The following STIM1 variants were observed in gnomAD, a reference collection of about 807,000 sequenced individuals.
STIM1 encodes the protein stromal interaction molecule 1.
In STIM1, 25 loss-of-function variants were observed where a neutral mutation model predicts 74.7. The ratio of observed to expected loss-of-function variants is 0.33; its 90% CI spans 0.24 to 0.47. The LOEUF (loss-of-function observed/expected upper bound fraction) is 0.47. Among genes scored for constraint, STIM1 ranks in the 20% least tolerant of loss-of-function variants. The probability of loss-of-function intolerance (pLI) is 1.00; values close to 1 mark genes in which losing one functional copy is unlikely to be tolerated. For missense variants in STIM1, 728 were observed against 920.8 expected (o/e 0.79, Z 2.71); for synonymous variants, 328 against 348.8 (o/e 0.94, Z 0.66).
rs542166361 is a variant in STIM1, at chr11:4,082,962, T to G, written c.1218T>G (p.Asp406Glu). ...ACAGCTCTTCCCTGGATGATGTAGA[T>G]CATAAAATTCTAACAGCTAAGTAAG... ...VAHSSSLDDV[D>E]HKILTAKQAL... Residue 406 changes from aspartate (D) to glutamate (E), a missense_variant, in exon 9 of 13, where the codon GAT (aspartate) becomes GAG (glutamate). By Grantham distance (45) the Asp-to-Glu change is conservative. Coordinates refer to ENST00000526596, the MANE Select transcript of STIM1 (RefSeq NM_001382567.1). 1 of 1,614,056 alleles carries G rather than the reference T, an allele frequency of 6.2e-7. No homozygotes were observed. Among genetic ancestry groups the G allele is most frequent in the East Asian group, 2.2e-5 (1 of 44,870 alleles).
intron 1 of STIM1, among the ~76,000 whole-genome samples, chr11:3,878,962 CTT>C (rs1197786291): frequency 6.8e-6 from 1 of 147,686 alleles, no homozygotes. Flanking sequence ...CTTCATACCT[CTT>C]TTTTTTTTTG....
chr11:4,061,168 G>A (rs1050606249), intron 5 of STIM1, among the ~76,000 whole-genome samples: 2 of 152,178 alleles, frequency 1.3e-5, no homozygotes, highest in African/African-American at 2.4e-5. Context: ...AGTAGAAACT[G>A]CAGGTTAAAG....
At chr11:4,029,876 A>G (rs2094033666) in intron 3 of STIM1, among the ~76,000 whole-genome samples, 1 of 152,212 alleles carries the variant, frequency 6.6e-6, no homozygotes, top group Non-Finnish European at 1.5e-5. Flanking sequence ...TTTTGTGACC[A>G]GAAATATGCC....
intron 1 of STIM1, among the ~76,000 whole-genome samples, chr11:3,889,399 G>A (rs1185083761): frequency 4.1e-5 from 6 of 144,946 alleles, no homozygotes; most frequent in Admixed American, 1.4e-4. Context: ...ATAGAGTCTC[G>A]CTTTGTCGCC....
At chr11:4,049,541 C>G (rs1420705430) in intron 3 of STIM1, 1 of 151,770 alleles carries the variant, frequency 6.6e-6, no homozygotes. Context: ...GTTGCCCTGA[C>G]TGATCTCAAA....
intron 2 of STIM1, among the ~76,000 whole-genome samples, chr11:3,979,450 A>C (rs777535593): frequency 4.6e-5 from 7 of 152,210 alleles, no homozygotes; most frequent in Non-Finnish European, 8.8e-5. Context: ...TTTCATTGAA[A>C]TATATTTTTA....
chr11:4,004,361 C>G (rs1172312387), intron 2 of STIM1, among the ~76,000 whole-genome samples: 1 of 151,864 alleles, frequency 6.6e-6, no homozygotes, highest in African/African-American at 2.4e-5. Flanking sequence ...GTAACCAAAA[C>G]AGCATGGTAC....
intron 1 of STIM1, among the ~76,000 whole-genome samples, chr11:3,897,063 A>G (rs1164891877): frequency 6.6e-6 from 1 of 152,196 alleles, no homozygotes; most frequent in Non-Finnish European, 1.5e-5. Context: ...AGGCTCTCTT[A>G]GGGCCTGTTA....
chr11:3,871,148 T>A (rs780271060), intron 1 of STIM1, among the ~76,000 whole-genome samples: 5 of 152,100 alleles, frequency 3.3e-5, no homozygotes, highest in Non-Finnish European at 7.4e-5. Flanking sequence ...ATTACAGGCG[T>A]GAGCCACGAC....
chr11:3,897,054 G>A (rs1475730953), intron 1 of STIM1, among the ~76,000 whole-genome samples: 1 of 152,160 alleles, frequency 6.6e-6, no homozygotes, highest in African/African-American at 2.4e-5. Flanking sequence ...GACAAATGTA[G>A]GCTCTCTTAG....
chr11:3,870,888 T>G (rs2091060921), intron 1 of STIM1, among the ~76,000 whole-genome samples: 1 of 147,984 alleles, frequency 6.8e-6, no homozygotes, highest in South Asian at 2.2e-4. Flanking sequence ...TTTTTTTTTT[T>G]TTTGAGATGA....
Position 3,941,671 on chromosome 11 carries a change from TATAG to T in STIM1, c.140-25879_140-25876del, listed in dbSNP as rs1282338555. Among the ~76,000 whole-genome samples, 248 of 76,120 alleles carry T rather than the reference TATAG, an allele frequency of 3.3e-3. 1 individual carries two copies. The highest frequency in any genetic ancestry group is 0.017 in the Admixed American group (113 of 6,798). 49.9% of individuals were successfully genotyped at this position (76,120 alleles called of 152,430 possible). A position where few individuals can be genotyped will look rare whatever the true frequency, so the allele number is the denominator to read the frequency against. On this transcript the variant is annotated intron_variant, in intron 1 of 12. Transcript: ENST00000526596. Reference sequence around the variant, plus strand: ...GTGTATACATATATATATATATATATATAGAGAGAGAGAGAGAGAGAGAGAGTGT... The same window carrying T: ...GTGTATACATATATATATATATATATAGAGAGAGAGAGAGAGAGAGAGTGT...
chr11:4,022,198 T>C (rs1048966938), intron 2 of STIM1, among the ~76,000 whole-genome samples: 7 of 151,702 alleles, frequency 4.6e-5, no homozygotes, highest in Non-Finnish European at 7.4e-5. Context: ...CCAGGTGGGG[T>C]GGCGTGCACA....
intron 1 of STIM1, among the ~76,000 whole-genome samples, chr11:3,874,333 A>C (rs928326355): frequency 6.6e-6 from 1 of 152,214 alleles, no homozygotes; most frequent in Non-Finnish European, 1.5e-5. Context: ...TCTTCTAACC[A>C]GAAAAAGGGA....
intron 10 of STIM1, among the ~76,000 whole-genome samples, chr11:4,084,064 C>A (rs1265316620): frequency 6.6e-6 from 1 of 152,114 alleles, no homozygotes; most frequent in Non-Finnish European, 1.5e-5. Context: ...TGGATCCTAC[C>A]CGCTCTTCCT....
At chr11:3,872,192 A>G (rs2091123765) in intron 1 of STIM1, among the ~76,000 whole-genome samples, 1 of 152,136 alleles carries the variant, frequency 6.6e-6, no homozygotes, top group African/African-American at 2.4e-5. Flanking sequence ...AGCTGGGACT[A>G]TAGGCGTGTG....
chr11:4,085,722 A>G (rs1306836544), intron 11 of STIM1, among the ~76,000 whole-genome samples: 1 of 152,186 alleles, frequency 6.6e-6, no homozygotes, highest in Non-Finnish European at 1.5e-5. Context: ...GTCTCAGAAG[A>G]ACCCTGCAGG....
chr11:4,090,958 G>A (rs910855026), intron 12 of STIM1, among the ~76,000 whole-genome samples: 3 of 151,120 alleles, frequency 2.0e-5, no homozygotes, highest in Non-Finnish European at 4.4e-5. Context: ...TTCTCTCTTG[G>A]CCCTTCTTTC....
At chr11:3,997,155 C>G (rs968949935) in intron 2 of STIM1, among the ~76,000 whole-genome samples, 3 of 152,216 alleles carry the variant, frequency 2.0e-5, no homozygotes, top group South Asian at 4.1e-4. Flanking sequence ...TGACCTGTGT[C>G]ATGTGCCCAG....
Sources: gnomAD v4.1 joint callset for allele counts (sites outside exome capture counted in the v4.1 genomes callset) on GRCh38, gnomAD v4.1.1 for gene constraint, MANE v1.5 for transcripts, NCBI Gene and HGNC (gene_info 2026-07-23, HGNC 2026-07-21) for gene names.